DPP10: variants seen among roughly 807,000 people sequenced by gnomAD.
DPP10 encodes inactive dipeptidyl peptidase 10.
In DPP10, 33 loss-of-function variants were observed where a neutral mutation model predicts 120.9. The ratio of observed to expected loss-of-function variants is 0.27; its 90% CI spans 0.21 to 0.37. The LOEUF (loss-of-function observed/expected upper bound fraction) is 0.37. Among genes scored for constraint, DPP10 ranks in the 10% least tolerant of loss-of-function variants. The pLI is 1.00. For missense variants in DPP10, 816 were observed against 942.8 expected (o/e 0.87, Z 1.76); for synonymous variants, 337 against 326.1 (o/e 1.03, Z -0.36).
chr2:114,813,941 AACACACACAC>A lies in DPP10; in HGVS notation c.60+371140_60+371149del, dbSNP rs375858356. ...CCTGTGGCTTACAGTGGCACGCATGAACACACACACACACACACACACACACACACACACA... is the reference window on the plus strand; with the variant it reads ...CCTGTGGCTTACAGTGGCACGCATGAACACACACACACACACACACACACA... On this transcript the variant is annotated intron_variant, in intron 1 of 25. Coordinates refer to ENST00000410059, the MANE Select transcript of DPP10 (RefSeq NM_020868.6). Among the ~76,000 whole-genome samples, 775 of 139,476 alleles carry A rather than the reference AACACACACAC, an allele frequency of 5.6e-3. 4 individuals are homozygous for A. Among genetic ancestry groups the A allele is most frequent in the Middle Eastern group, 0.033 (9 of 270 alleles). 91.5% of individuals were successfully genotyped at this position (139,476 alleles called of 152,430 possible).
chr2:115,607,711 C>T (rs2083791521), intron 5 of DPP10, among the ~76,000 whole-genome samples: 1 of 152,084 alleles, frequency 6.6e-6, no homozygotes, highest in African/African-American at 2.4e-5. Context: ...AATCCTTGTT[C>T]AACCTATGCC....
At chr2:115,106,596 G>A (rs577845070) in intron 1 of DPP10, among the ~76,000 whole-genome samples, 1 of 151,988 alleles carries the variant, frequency 6.6e-6, no homozygotes, top group African/African-American at 2.4e-5. Context: ...GAGTAGCTGG[G>A]ACTACAGCGC....
chr2:114,556,234 C>CATACATATATAT (rs368351720), intron 1 of DPP10, among the ~76,000 whole-genome samples: 3 of 86,956 alleles, frequency 3.5e-5, no homozygotes, highest in African/African-American at 9.2e-5. Flanking sequence ...ATAGATGATA[C>CATACATATATAT]ATATATATAT....
chr2:115,299,713 T>G (rs1437802352), intron 1 of DPP10, among the ~76,000 whole-genome samples: 3 of 152,076 alleles, frequency 2.0e-5, no homozygotes, highest in African/African-American at 7.2e-5. Flanking sequence ...TATTTTTCTG[T>G]TCTTATTCAT....
At chr2:114,851,797 T>A (rs1487095442) in intron 1 of DPP10, among the ~76,000 whole-genome samples, 1 of 152,202 alleles carries the variant, frequency 6.6e-6, no homozygotes, top group Non-Finnish European at 1.5e-5. Context: ...AATACGCATG[T>A]CTGTCTGTAA....
chr2:114,857,909 A>G (rs1460411436), intron 1 of DPP10, among the ~76,000 whole-genome samples: 1 of 152,162 alleles, frequency 6.6e-6, no homozygotes, highest in Non-Finnish European at 1.5e-5. Context: ...TGAGGCAGGT[A>G]AGATGTAGTG....
chr2:115,315,439 C>T (rs1014517640), intron 2 of DPP10, among the ~76,000 whole-genome samples: 1 of 152,060 alleles, frequency 6.6e-6, no homozygotes, highest in Non-Finnish European at 1.5e-5. Context: ...AACAAAATGA[C>T]AGCTCCTGGT....
chr2:114,872,157 AG>A (rs1486822986), intron 1 of DPP10, among the ~76,000 whole-genome samples: 1 of 152,206 alleles, frequency 6.6e-6, no homozygotes, highest in Non-Finnish European at 1.5e-5. Flanking sequence ...TAATTTATAA[AG>A]GAAAGAGGTT....
intron 5 of DPP10, among the ~76,000 whole-genome samples, chr2:115,682,564 A>G (rs1015204681): frequency 5.3e-5 from 8 of 151,806 alleles, no homozygotes; most frequent in Admixed American, 6.6e-5. Context: ...TATATCAGAA[A>G]ATGATTTATT....
At chr2:115,607,812 C>T (rs1026710233) in intron 5 of DPP10, among the ~76,000 whole-genome samples, 10 of 152,052 alleles carry the variant, frequency 6.6e-5, no homozygotes, top group East Asian at 3.9e-4. Context: ...AGGAAGTAGA[C>T]GCCTGGGTGG....
At chr2:115,319,921 A>G (rs921544199) in intron 2 of DPP10, among the ~76,000 whole-genome samples, 3 of 152,154 alleles carry the variant, frequency 2.0e-5, no homozygotes, top group East Asian at 1.9e-4. Flanking sequence ...TTATAAGGGT[A>G]TTAATTTCAT....
At chr2:115,408,933 T>G (rs183655127) in intron 3 of DPP10, among the ~76,000 whole-genome samples, 1 of 151,642 alleles carries the variant, frequency 6.6e-6, no homozygotes, top group Non-Finnish European at 1.5e-5. Context: ...CCAAAGTAAT[T>G]AGAAGTAAAT....
chr2:115,559,115 C>T (rs908266297), intron 5 of DPP10, among the ~76,000 whole-genome samples: 7 of 152,144 alleles, frequency 4.6e-5, no homozygotes, highest in Non-Finnish European at 8.8e-5. Flanking sequence ...ATTTGTTCCC[C>T]AAATACTTTC....
At chr2:115,802,393 A>T (rs1575821802) in intron 19 of DPP10, among the ~76,000 whole-genome samples, 1 of 152,098 alleles carries the variant, frequency 6.6e-6, no homozygotes, top group Non-Finnish European at 1.5e-5. Context: ...TTCTGGATTC[A>T]TTAATTTTTT....
intron 1 of DPP10, among the ~76,000 whole-genome samples, chr2:114,559,274 G>A (rs560107518): frequency 5.9e-5 from 9 of 152,234 alleles, no homozygotes; most frequent in South Asian, 4.2e-4. Context: ...AAGAGTCCCC[G>A]CATGAGGGAA....
chr2:114,646,190 AT>A (rs1409856624), intron 1 of DPP10, among the ~76,000 whole-genome samples: 12 of 151,368 alleles, frequency 7.9e-5, no homozygotes, highest in African/African-American at 2.4e-4. Context: ...AAATAAATAA[AT>A]AAATAAAAAG....
intron 3 of DPP10, among the ~76,000 whole-genome samples, chr2:115,496,437 C>T (rs933175583): frequency 6.6e-6 from 1 of 152,018 alleles, no homozygotes; most frequent in African/African-American, 2.4e-5. Context: ...TTTAAATAAA[C>T]TGATATTAAG....
intron 1 of DPP10, among the ~76,000 whole-genome samples, chr2:114,451,875 T>C (rs1001261308): frequency 2.0e-5 from 3 of 152,268 alleles, no homozygotes; most frequent in East Asian, 1.9e-4. Flanking sequence ...TCTTTCAGGA[T>C]AATCCAAATA....
chr2:115,440,159 G>A (rs982415620), intron 3 of DPP10, among the ~76,000 whole-genome samples: 1 of 151,278 alleles, frequency 6.6e-6, no homozygotes, highest in South Asian at 2.1e-4. Flanking sequence ...GTGTGTGCGT[G>A]TGTGTGTGTG....
Sources: gnomAD v4.1 joint callset for allele counts (sites outside exome capture counted in the v4.1 genomes callset) on GRCh38, gnomAD v4.1.1 for gene constraint, MANE v1.5 for transcripts, NCBI Gene and HGNC (gene_info 2026-07-23, HGNC 2026-07-21) for gene names.